KLHL14: variants seen among roughly 807,000 people sequenced by gnomAD.
KLHL14 encodes kelch like family member 14, also known as kelch-like protein 14.
A neutral mutation model predicts 64.3 loss-of-function variants in KLHL14; 22 were observed. The observed-to-expected ratio is 0.34, with a 90% CI of 0.24 to 0.49. KLHL14 has a LOEUF of 0.49. Ranked by LOEUF, KLHL14 falls within the 20% of genes least tolerant of loss-of-function variation. The pLI, the probability that KLHL14 is intolerant of heterozygous loss-of-function variation, is 0.99. For synonymous variants in KLHL14, 322 were observed against 333.4 expected, an observed-to-expected ratio of 0.97 and a Z score of 0.37; for missense variants, 661 against 789.0, an observed-to-expected ratio of 0.84 and a Z score of 1.94.
Position 32,696,436 on chromosome 18 carries a change from A to C in KLHL14, c.1070-884T>G, listed in dbSNP as rs577169221. On this transcript the variant is annotated intron_variant, in intron 3 of 8. Coordinates refer to ENST00000359358, the MANE Select transcript of KLHL14 (RefSeq NM_020805.3). ...CTGCTACAATAATATCCTATGGTAA[A>C]TGTAAACGTATACAGCATTAGTTAT... Among the ~76,000 whole-genome samples, 19 of 152,322 alleles carry C rather than the reference A, an allele frequency of 1.2e-4. No homozygotes were observed. The South Asian group carries it at 3.7e-3, about 30-fold the overall frequency.
rs186209652 is a variant in KLHL14, at chr18:32,756,460, T to C, written c.947+13185A>G. Among the ~76,000 whole-genome samples, 115 of 152,198 alleles carry C rather than the reference T, an allele frequency of 7.6e-4. 1 individual carries two copies. In the East Asian group the frequency reaches 0.01, roughly 13 times the overall value. ...GAAACACTTTCAAAAAAAACCTTTC[T>C]AAGGTGAGATTATTCCTTCTCTTAA... On this transcript the variant is annotated intron_variant, in intron 2 of 8. Coordinates refer to ENST00000359358, the MANE Select transcript of KLHL14 (RefSeq NM_020805.3).
At chr18:32,756,151 G>C (rs768305162) in intron 2 of KLHL14, among the ~76,000 whole-genome samples, 2 of 152,154 alleles carry the variant, frequency 1.3e-5, no homozygotes, top group African/African-American at 2.4e-5. Flanking sequence ...GGTCATAAGG[G>C]TGAGGCCCTG....
intron 2 of KLHL14, among the ~76,000 whole-genome samples, chr18:32,750,817 T>G (rs2050247490): frequency 1.3e-5 from 2 of 152,196 alleles, no homozygotes; most frequent in South Asian, 4.1e-4. Flanking sequence ...TGTAAAGTGG[T>G]AGCCCTGCTT....
intron 3 of KLHL14, among the ~76,000 whole-genome samples, chr18:32,713,135 T>C (rs2050028540): frequency 6.6e-6 from 1 of 152,298 alleles, no homozygotes; most frequent in South Asian, 2.1e-4. Context: ...AACTGCAGAG[T>C]TGAATAGTTG....
intron 3 of KLHL14, among the ~76,000 whole-genome samples, chr18:32,723,719 C>T (rs1257778189): frequency 6.6e-6 from 1 of 152,126 alleles, no homozygotes; most frequent in Non-Finnish European, 1.5e-5. Context: ...TGTGCTAGGG[C>T]CAAATTATGA....
At chr18:32,689,141 C>T (rs892563480) in intron 4 of KLHL14, among the ~76,000 whole-genome samples, 1 of 152,116 alleles carries the variant, frequency 6.6e-6, no homozygotes, top group Non-Finnish European at 1.5e-5. Flanking sequence ...TTGGAATTAA[C>T]CTGAGAGACC....
At chr18:32,744,798 T>C (rs2050216269) in intron 2 of KLHL14, 1 of 152,190 alleles carries the variant, frequency 6.6e-6, no homozygotes, top group Admixed American at 6.5e-5. Context: ...TCTCTGCTGA[T>C]AAGGAGAGGA....
intron 3 of KLHL14, among the ~76,000 whole-genome samples, chr18:32,723,344 C>T (rs759802782): frequency 1.3e-5 from 2 of 152,200 alleles, no homozygotes; most frequent in African/African-American, 4.8e-5. Context: ...CTCTCCACCC[C>T]AGGTCCTTGC....
chr18:32,733,416 G>T (rs2050146984), intron 3 of KLHL14, among the ~76,000 whole-genome samples: 2 of 151,438 alleles, frequency 1.3e-5, no homozygotes, highest in African/African-American at 4.9e-5. Context: ...GAGAGAGAAG[G>T]ACACAAGAAG....
At chr18:32,760,911 T>C (rs1384232157) in intron 2 of KLHL14, among the ~76,000 whole-genome samples, 1 of 152,228 alleles carries the variant, frequency 6.6e-6, no homozygotes, top group Non-Finnish European at 1.5e-5. Flanking sequence ...GGTTTCACCT[T>C]TGGTTCCCTC....
intron 2 of KLHL14, among the ~76,000 whole-genome samples, chr18:32,757,708 A>G (rs1425748282): frequency 2.6e-5 from 4 of 152,228 alleles, no homozygotes; most frequent in African/African-American, 9.6e-5. Flanking sequence ...CCTTGAAATG[A>G]AAGATTTGCT....
intron 3 of KLHL14, among the ~76,000 whole-genome samples, chr18:32,705,764 C>G (rs2049987013): frequency 6.6e-6 from 1 of 152,160 alleles, no homozygotes; most frequent in Non-Finnish European, 1.5e-5. Flanking sequence ...ATTACAATAT[C>G]AACTTTTTAA....
At chr18:32,698,246 C>T (rs983006566) in intron 3 of KLHL14, among the ~76,000 whole-genome samples, 3 of 152,078 alleles carry the variant, frequency 2.0e-5, no homozygotes, top group African/African-American at 7.2e-5. Context: ...TGCTCCTTTC[C>T]AGATTTCTCC....
In KLHL14 at chr18:32,674,588, T is replaced by C. The variant is rs1225352862; in HGVS notation, c.*69A>G. The C allele has an allele frequency of 2.7e-6, 2 of 753,236 alleles. No homozygotes were observed. Among genetic ancestry groups the C allele is most frequent in the Non-Finnish European group, 5.0e-6 (2 of 402,958 alleles). 46.7% of individuals were successfully genotyped at this position (753,236 alleles called of 1,614,324 possible). On this transcript the variant is annotated 3_prime_UTR_variant, in exon 9 of 9. Transcript: ENST00000359358. ...GTACCATTAGAATGCATTGTTCCTA[T>C]TATAATAGTGATGTCACCTGCCATT...
chr18:32,735,548 T>C (rs2050161760), intron 3 of KLHL14, among the ~76,000 whole-genome samples: 1 of 152,126 alleles, frequency 6.6e-6, no homozygotes, highest in Non-Finnish European at 1.5e-5. Flanking sequence ...TGGAGCAATC[T>C]TATCTCACAT....
chr18:32,721,040 G>C (rs1328546133), intron 3 of KLHL14, among the ~76,000 whole-genome samples: 1 of 152,206 alleles, frequency 6.6e-6, no homozygotes, highest in Non-Finnish European at 1.5e-5. Flanking sequence ...AGATGGCAAA[G>C]TGGCATGATG....
intron 3 of KLHL14, among the ~76,000 whole-genome samples, chr18:32,716,248 CCTGT>C (rs1239028242): frequency 6.6e-6 from 1 of 151,990 alleles, no homozygotes; most frequent in African/African-American, 2.4e-5. Flanking sequence ...CTCCTTTCAA[CCTGT>C]CTTTTTGTTA....
At chr18:32,710,250 A>T (rs2050012334) in intron 3 of KLHL14, among the ~76,000 whole-genome samples, 1 of 152,170 alleles carries the variant, frequency 6.6e-6, no homozygotes, top group Non-Finnish European at 1.5e-5. Context: ...TCTCCAAATA[A>T]ACAAAGTTTC....
chr18:32,690,205 G>A (rs933222116), intron 4 of KLHL14, among the ~76,000 whole-genome samples: 3 of 152,148 alleles, frequency 2.0e-5, no homozygotes, highest in Non-Finnish European at 4.4e-5. Context: ...GACAGACAGT[G>A]AAAAGGTGGC....
Sources: gnomAD v4.1 joint callset for allele counts (sites outside exome capture counted in the v4.1 genomes callset) on GRCh38, gnomAD v4.1.1 for gene constraint, MANE v1.5 for transcripts, NCBI Gene and HGNC (gene_info 2026-07-23, HGNC 2026-07-21) for gene names.